CTIF: variants seen among roughly 807,000 people sequenced by gnomAD.
CTIF encodes the protein cap binding complex dependent translation initiation factor.
A neutral mutation model predicts 66.0 loss-of-function variants in CTIF; 21 were observed. The observed-to-expected ratio is 0.32, with a 90% CI of 0.23 to 0.46. The LOEUF (loss-of-function observed/expected upper bound fraction) is 0.46, where lower values mean the gene tolerates loss of function less well. CTIF is among the 20% of genes least tolerant of loss of function. CTIF has a pLI of 1.00. For synonymous variants in CTIF, 345 were observed against 326.4 expected, an observed-to-expected ratio of 1.06 and a Z score of -0.62; for missense variants, 739 against 812.7, an observed-to-expected ratio of 0.91 and a Z score of 1.10.
intron 9 of CTIF, among the ~76,000 whole-genome samples, chr18:48,781,593 G>A (rs563600519): frequency 1.3e-5 from 2 of 152,284 alleles, no homozygotes; most frequent in East Asian, 3.9e-4. Flanking sequence ...TTTTTGTTCT[G>A]GGTTGTGAAA....
chr18:48,630,081 A>C (rs2090674943), intron 2 of CTIF, among the ~76,000 whole-genome samples: 1 of 152,224 alleles, frequency 6.6e-6, no homozygotes, highest in Non-Finnish European at 1.5e-5. Flanking sequence ...ATGGCATTCC[A>C]AGCAGTATGA....
At chr18:48,671,013 G>A (rs1476305092) in intron 6 of CTIF, among the ~76,000 whole-genome samples, 1 of 152,142 alleles carries the variant, frequency 6.6e-6, no homozygotes, top group Admixed American at 6.5e-5. Flanking sequence ...ACCATGCCCT[G>A]GCAACTCAGT....
At position 48,816,731 on chromosome 18, in the gene CTIF, TG is replaced by T. The variant is rs556181539; in HGVS notation, c.1372-486del. ...GGGCTGTAGCTGTGTAGCCCAGTGC[TG>T]GGGCGCTAGCCCACATGGTCCTCTG... On this transcript the variant is annotated intron_variant, in intron 9 of 11. Coordinates refer to ENST00000256413, the MANE Select transcript of CTIF (RefSeq NM_014772.3). Among the ~76,000 whole-genome samples the T allele has an allele frequency of 1.6e-3, 244 of 152,352 alleles. 1 individual carries two copies. Among genetic ancestry groups the T allele is most frequent in the Middle Eastern group, 0.01 (3 of 294 alleles).
intron 6 of CTIF, among the ~76,000 whole-genome samples, chr18:48,703,750 C>A (rs73958932): frequency 0.025 from 3,771 of 152,214 alleles, 165 homozygotes; most frequent in African/African-American, 0.086. Context: ...GGCAGCAGCC[C>A]GGGGACTCCC....
intron 1 of CTIF, among the ~76,000 whole-genome samples, chr18:48,587,616 G>A (rs1599193046): frequency 6.6e-6 from 1 of 152,268 alleles, no homozygotes; most frequent in East Asian, 1.9e-4. Flanking sequence ...CTGTGGGCAA[G>A]CCAGCTTTTT....
intron 1 of CTIF, among the ~76,000 whole-genome samples, chr18:48,542,777 A>G (rs1305404906): frequency 6.6e-6 from 1 of 152,216 alleles, no homozygotes; most frequent in Non-Finnish European, 1.5e-5. Flanking sequence ...GCGATGGGGA[A>G]AAAACACCTT....
chr18:48,718,803 A>T (rs1011361301), intron 7 of CTIF, among the ~76,000 whole-genome samples: 7 of 152,204 alleles, frequency 4.6e-5, no homozygotes, highest in African/African-American at 1.7e-4. Context: ...TTCCTCAGAC[A>T]TGGTCAGGGG....
At chr18:48,824,642 T>C (rs151040141) in intron 10 of CTIF, among the ~76,000 whole-genome samples, 1,604 of 152,124 alleles carry the variant, frequency 0.011, 22 homozygotes, top group African/African-American at 0.036. Context: ...TGTTTTGTTT[T>C]TTGATTTTTT....
At chr18:48,848,644 C>G (rs1422805748) in intron 10 of CTIF, among the ~76,000 whole-genome samples, 1 of 152,224 alleles carries the variant, frequency 6.6e-6, no homozygotes, top group Admixed American at 6.5e-5. Context: ...CTCAGCACCC[C>G]CTTTCCCTCC....
At chr18:48,614,881 T>TTTG (rs939230195) in intron 1 of CTIF, among the ~76,000 whole-genome samples, 2 of 151,162 alleles carry the variant, frequency 1.3e-5, no homozygotes, top group East Asian at 1.9e-4. Context: ...GGTTGTTTTT[T>TTTG]TTGTTGTTGT....
intron 7 of CTIF, among the ~76,000 whole-genome samples, chr18:48,741,940 C>G (rs1229755868): frequency 6.6e-6 from 1 of 152,182 alleles, no homozygotes; most frequent in Non-Finnish European, 1.5e-5. Flanking sequence ...CCTTGTCCCC[C>G]AGCTCAGAAA....
intron 6 of CTIF, among the ~76,000 whole-genome samples, chr18:48,699,155 C>T (rs2092048332): frequency 6.6e-6 from 1 of 151,278 alleles, no homozygotes; most frequent in Non-Finnish European, 1.5e-5. Flanking sequence ...GCCCGACGGC[C>T]CCAGCAGGCT....
intron 6 of CTIF, among the ~76,000 whole-genome samples, chr18:48,698,074 A>T (rs931261409): frequency 2.3e-5 from 3 of 132,698 alleles, no homozygotes; most frequent in Non-Finnish European, 4.7e-5. Context: ...CCCTCCTGAA[A>T]GTCAACTCAG....
chr18:48,714,225 T>G (rs532734032), intron 7 of CTIF, among the ~76,000 whole-genome samples: 1 of 152,322 alleles, frequency 6.6e-6, no homozygotes, highest in South Asian at 2.1e-4. Context: ...TCCATACTTG[T>G]GTGCAGCAGG....
intron 7 of CTIF, among the ~76,000 whole-genome samples, chr18:48,721,196 C>T (rs2092331437): frequency 6.6e-6 from 1 of 152,130 alleles, no homozygotes; most frequent in African/African-American, 2.4e-5. Flanking sequence ...CAAAGGGAGA[C>T]CCAATGACAA....
chr18:48,778,813 G>C (rs1910939034), intron 9 of CTIF, among the ~76,000 whole-genome samples: 1 of 152,138 alleles, frequency 6.6e-6, no homozygotes. Flanking sequence ...AGGCGTTCTG[G>C]GGGCATTCTC....
intron 1 of CTIF, among the ~76,000 whole-genome samples, chr18:48,570,002 G>A (rs1015600381): frequency 2.0e-5 from 3 of 152,190 alleles, no homozygotes; most frequent in Non-Finnish European, 2.9e-5. Flanking sequence ...ACTTTTGTCC[G>A]AACTTCATGT....
intron 5 of CTIF, among the ~76,000 whole-genome samples, chr18:48,664,905 CTTTCTTTTT>C (rs2091410992): frequency 4.8e-5 from 3 of 62,688 alleles, no homozygotes; most frequent in Non-Finnish European, 9.7e-5. Flanking sequence ...CTGTGTGTTT[CTTTCTTTTT>C]TTTTTTTTTT....
intron 6 of CTIF, among the ~76,000 whole-genome samples, chr18:48,695,799 T>TC (rs1455127593): frequency 1.2e-4 from 19 of 152,210 alleles, no homozygotes; most frequent in Non-Finnish European, 1.6e-4. Context: ...CTGAACACCT[T>TC]CCAGGAAACT....
Sources: allele counts gnomAD v4.1 joint callset (sites outside exome capture counted in the v4.1 genomes callset), GRCh38; gene constraint gnomAD v4.1.1; transcripts MANE v1.5; gene names NCBI Gene and HGNC (gene_info 2026-07-23, HGNC 2026-07-21).